The following DYRK4 variants were observed in gnomAD, a reference collection of about 807,000 sequenced individuals.
DYRK4 encodes the protein dual specificity tyrosine phosphorylation regulated kinase 4.
A neutral mutation model predicts 68.3 loss-of-function variants in DYRK4; 64 were observed. The ratio of observed to expected loss-of-function variants is 0.94; its 90% CI spans 0.77 to 1.15. The LOEUF is 1.15. DYRK4 is among the 50% of genes most tolerant of loss of function. The probability of loss-of-function intolerance (pLI) is 0.00; values close to 1 mark genes in which losing one functional copy is unlikely to be tolerated. For missense variants in DYRK4, 740 were observed against 764.7 expected (o/e 0.97, Z 0.38); for synonymous variants, 274 against 289.9 (o/e 0.95, Z 0.56).
At chr12:4,572,502 A>C (rs1470083371) in intron 2 of DYRK4, among the ~76,000 whole-genome samples, 1 of 152,090 alleles carries the variant, frequency 6.6e-6, no homozygotes, top group Non-Finnish European at 1.5e-5. Flanking sequence ...TCACCATGTT[A>C]GCCAGGATGG....
chr12:4,595,690 C>T (rs558486764), intron 6 of DYRK4, among the ~76,000 whole-genome samples: 1 of 152,290 alleles, frequency 6.6e-6, no homozygotes, highest in African/African-American at 2.4e-5. Flanking sequence ...AGAGACACAT[C>T]AGGGGTCAGA....
chr12:4,590,118 G>A, intron 3 of DYRK4: 3 of 1,318,064 alleles, frequency 2.3e-6, no homozygotes, highest in Middle Eastern at 2.9e-4. Flanking sequence ...AAGTAGTAGA[G>A]CAGGGACTCA....
rs1944833482 is a variant in DYRK4, at chr12:4,580,769, T to G, written c.133-8168T>G. The stretch of plus-strand genomic sequence containing the variant: ...GATATCACAGAAGCTGAGCTTCATT[T>G]GCCCATCCAACCACCAGGCACTTAG... On this transcript the variant is annotated intron_variant, in intron 2 of 14. Coordinates refer to ENST00000543431, the MANE Select transcript of DYRK4 (RefSeq NM_001394779.1). 7.3e-5 allele frequency: 33 copies of G among 452,032 alleles called. 1 individual carries two copies. Among genetic ancestry groups the G allele is most frequent in the South Asian group, 5.0e-4 (32 of 64,220 alleles). 28.0% of individuals were successfully genotyped at this position (452,032 alleles called of 1,614,324 possible). A position where few individuals can be genotyped will look rare whatever the true frequency, so the allele number is the denominator to read the frequency against.
At chr12:4,603,311 A>G (rs1447623291) in intron 10 of DYRK4, 9 of 764,174 alleles carry the variant, frequency 1.2e-5, no homozygotes, top group Admixed American at 5.2e-5. Context: ...CATCTCTATT[A>G]TGCTGGCATC....
intron 1 of DYRK4, among the ~76,000 whole-genome samples, chr12:4,566,198 T>C (rs761454595): frequency 1.3e-5 from 2 of 152,118 alleles, no homozygotes; most frequent in Non-Finnish European, 2.9e-5. Flanking sequence ...TTCCTCCAAA[T>C]CGTGCTTCGT....
chr12:4,591,301 A>AC lies in DYRK4; in HGVS notation c.463+3_463+4insC, dbSNP rs1944951215. 5.0e-6 allele frequency: 8 copies of AC among 1,613,806 alleles called. No homozygotes were observed. Among genetic ancestry groups the AC allele is most frequent in the Non-Finnish European group, 6.8e-6 (8 of 1,179,922 alleles). ...AAAGGTGACTCTGACAGCGGCAGGT[A>AC]TGCCTTTGGGGCAGTAGCAGGGTGG... On this transcript the variant is annotated splice_donor_region_variant and intron_variant, in intron 5 of 14. Coordinates refer to ENST00000543431, the MANE Select transcript of DYRK4 (RefSeq NM_001394779.1). This position sits in a 1 kb window ranked among gnomAD's most constrained non-coding sequence, Gnocchi z 4.1.
intron 12 of DYRK4, among the ~76,000 whole-genome samples, chr12:4,609,480 C>G (rs1046882871): frequency 1.3e-5 from 2 of 152,178 alleles, no homozygotes; most frequent in Non-Finnish European, 2.9e-5. Context: ...CTGCCAACTG[C>G]TCCTCTGCCC....
chr12:4,604,398 G>T (rs1945115991), intron 10 of DYRK4, among the ~76,000 whole-genome samples: 1 of 152,174 alleles, frequency 6.6e-6, no homozygotes, highest in Non-Finnish European at 1.5e-5. Context: ...AATAACTACC[G>T]TGTTCCATTT....
intron 2 of DYRK4, among the ~76,000 whole-genome samples, chr12:4,571,674 A>C (rs1161750805): frequency 6.6e-6 from 1 of 152,186 alleles, no homozygotes; most frequent in Non-Finnish European, 1.5e-5. Context: ...AAAGTTGTAA[A>C]ATAATTTTAT....
At chr12:4,607,197 C>G (rs1200119416) in intron 11 of DYRK4, 130 bp from the exon 12 acceptor site, 1 of 983,394 alleles carries the variant, frequency 1.0e-6, no homozygotes, top group African/African-American at 1.6e-5. Context: ...TGCTACTGAC[C>G]AGATGTTATT....
chr12:4,587,500 A>G (rs1007657244), intron 2 of DYRK4, among the ~76,000 whole-genome samples: 2 of 152,068 alleles, frequency 1.3e-5, no homozygotes, highest in Admixed American at 6.5e-5. Context: ...CGCATCCTCA[A>G]TGTCAGCCTG....
intron 10 of DYRK4, among the ~76,000 whole-genome samples, chr12:4,600,042 AAACT>A (rs1225486767): frequency 1.3e-5 from 2 of 152,218 alleles, no homozygotes; most frequent in East Asian, 1.9e-4. Flanking sequence ...GTGAGCCCCA[AAACT>A]AACTAACTGT....
chr12:4,595,844 T>G (rs187790081), intron 6 of DYRK4, among the ~76,000 whole-genome samples: 1 of 152,246 alleles, frequency 6.6e-6, no homozygotes, highest in Admixed American at 6.5e-5. Context: ...GGACTAGAAC[T>G]AGAACTACAA....
At position 4,613,529 on chromosome 12, in the gene DYRK4, G is replaced by A; in HGVS notation, c.1681G>A (p.Glu561Lys). 1 of 1,612,938 alleles carries A rather than the reference G, an allele frequency of 6.2e-7. No homozygotes were observed. The highest frequency in any genetic ancestry group is 8.5e-7 in the Non-Finnish European group (1 of 1,179,098). ...HSSRKDEITK[E>K]TTEKTKDSPT... ...TCCTTTAGCAGATGAGATCACCAAAGAGACTACAGAGAAAACAAAAGATAG... is the reference window on the plus strand; with the variant it reads ...TCCTTTAGCAGATGAGATCACCAAAAAGACTACAGAGAAAACAAAAGATAG... Residue 561 changes from glutamate (E) to lysine (K), a missense_variant, in exon 15 of 15, where the codon GAG becomes AAG. Physicochemically the swap from Glu to Lys is moderately conservative, Grantham distance 56. Transcript: ENST00000543431. This position sits in a 1 kb window ranked among gnomAD's most constrained non-coding sequence, Gnocchi z 4.0.
At chr12:4,567,827 G>A (rs1038697640) in intron 1 of DYRK4, 128 bp from the exon 2 acceptor site, 12 of 743,190 alleles carry the variant, frequency 1.6e-5, no homozygotes, top group Middle Eastern at 2.4e-4. Flanking sequence ...CAGGGACCCT[G>A]CTCCTGCTTT....
At position 4,593,030 on chromosome 12, in the gene DYRK4, G is replaced by C. The variant is rs755136864; in HGVS notation, c.492G>C (p.Leu164=). 6.2e-7 allele frequency: 1 copy of C among 1,614,048 alleles called. No homozygotes were observed. The highest frequency in any genetic ancestry group is 8.5e-7 in the Non-Finnish European group (1 of 1,180,020). Residue 164 remains leucine (L), a synonymous_variant, in exon 6 of 15, where the codon CTG becomes CTC. Coordinates refer to ENST00000543431, the MANE Select transcript of DYRK4 (RefSeq NM_001394779.1). The part of the protein sequence containing the change: ...AEALKLFKNQ[L]SPYEQSEILG... ...CCCTAAAGCTTTTTAAGAACCAGCT[G>C]TCTCCATATGAACAAAGTGAAATCC...
At chr12:4,575,799 T>G (rs1184707946) in intron 2 of DYRK4, among the ~76,000 whole-genome samples, 1 of 152,252 alleles carries the variant, frequency 6.6e-6, no homozygotes, top group Admixed American at 6.5e-5. Context: ...ATATTCTGTC[T>G]ACTCATCCTT....
At chr12:4,574,501 C>G (rs907988570) in intron 2 of DYRK4, among the ~76,000 whole-genome samples, 1 of 152,166 alleles carries the variant, frequency 6.6e-6, no homozygotes, top group South Asian at 2.1e-4. Flanking sequence ...ATTGGTATAA[C>G]ATTTGGCCGC....
chr12:4,602,037 C>T, intron 10 of DYRK4: 1 of 372,128 alleles, frequency 2.7e-6, no homozygotes, highest in Non-Finnish European at 4.9e-6. Flanking sequence ...CTCTTAGAAC[C>T]TAATTGGAAA....
Sources: gnomAD v4.1 joint callset for allele counts (sites outside exome capture counted in the v4.1 genomes callset) on GRCh38, gnomAD v4.1.1 for gene constraint, Gnocchi (gnomAD v3.1) non-coding constraint, MANE v1.5 for transcripts, NCBI Gene and HGNC (gene_info 2026-07-23, HGNC 2026-07-21) for gene names.